NEK9: variants seen among roughly 807,000 people sequenced by gnomAD.
NEK9 encodes serine/threonine-protein kinase Nek9.
In NEK9, 75 loss-of-function variants were observed where a neutral mutation model predicts 123.4. That is an observed-to-expected ratio of 0.61 (90% CI 0.50 to 0.74). The LOEUF (loss-of-function observed/expected upper bound fraction) is 0.74. NEK9 is among the 30% of genes least tolerant of loss of function. The probability of loss-of-function intolerance (pLI) is 0.00; values close to 1 mark genes in which losing one functional copy is unlikely to be tolerated. For missense variants in NEK9, 952 were observed against 1,214.4 expected, an observed-to-expected ratio of 0.78 and a Z score of 3.21; for synonymous variants, 438 against 458.7, an observed-to-expected ratio of 0.95 and a Z score of 0.58.
chr14:75,102,373 A>G (rs1054259973), intron 14 of NEK9, among the ~76,000 whole-genome samples: 1 of 152,014 alleles, frequency 6.6e-6, no homozygotes, highest in Non-Finnish European at 1.5e-5. Flanking sequence ...TTTGAGACGG[A>G]GTCTTGCTTT....
chr14:75,123,893 A>G (rs561474543), intron 2 of NEK9, among the ~76,000 whole-genome samples, 153 bp downstream of exon 2: 2 of 152,334 alleles, frequency 1.3e-5, no homozygotes, highest in East Asian at 1.9e-4. Flanking sequence ...ACCACTTCAA[A>G]AATTCTCCAA....
At chr14:75,120,377 C>T in intron 4 of NEK9, 133 bp downstream of exon 4, 1 of 572,290 alleles carries the variant, frequency 1.7e-6, no homozygotes, top group South Asian at 2.4e-5. Flanking sequence ...TCATTACTTT[C>T]CTTTCCTAGT....
chr14:75,086,006 T>G (rs919225850), intron 21 of NEK9, among the ~76,000 whole-genome samples: 10 of 151,814 alleles, frequency 6.6e-5, no homozygotes, highest in Non-Finnish European at 1.3e-4. Flanking sequence ...CTGGCCAATA[T>G]GGTGAAATCC....
chr14:75,112,629 C>T (rs1375194001), intron 8 of NEK9, among the ~76,000 whole-genome samples: 1 of 152,268 alleles, frequency 6.6e-6, no homozygotes, highest in East Asian at 1.9e-4. Flanking sequence ...TTGAGATCAG[C>T]CTGGGCAACA....
chr14:75,110,223 C>T, intron 9 of NEK9, 98 bp downstream of exon 9: 1 of 911,264 alleles, frequency 1.1e-6, no homozygotes, highest in Non-Finnish European at 1.7e-6. Flanking sequence ...TGAAAGGATG[C>T]CAAAGTATCC....
rs746318076 is a variant in NEK9, at chr14:75,087,109, C to T, written c.2726G>A (p.Cys909Tyr). 1 of 1,614,206 alleles carries T rather than the reference C, an allele frequency of 6.2e-7. No homozygotes were observed. Among genetic ancestry groups the T allele is most frequent in the Non-Finnish European group, 8.5e-7 (1 of 1,180,042 alleles). ...VERLQGLVLK[C>Y]LAEQQKLQQE... is the part of the protein sequence containing the mutation. Reference sequence around the variant, plus strand: ...CTGTAGCTTCTGTTGTTCAGCCAGACACTTTAACACCAGACCCTGCAATCT... The same window carrying T: ...CTGTAGCTTCTGTTGTTCAGCCAGATACTTTAACACCAGACCCTGCAATCT... Residue 909 changes from cysteine to tyrosine, a missense_variant, in exon 21 of 22, where the codon TGT (cysteine) becomes TAT (tyrosine). By Grantham distance (194) the Cys-to-Tyr change is radical (BLOSUM62 -2). This residue lies in a region of NEK9 where 698 missense variants were observed against 875.6 expected (regional missense o/e 0.80). Transcript: ENST00000238616.
chr14:75,096,276 C>CAA (rs57130386), intron 17 of NEK9, among the ~76,000 whole-genome samples: 9 of 79,728 alleles, frequency 1.1e-4, no homozygotes, highest in African/African-American at 3.4e-4. Flanking sequence ...GACTTCGTCT[C>CAA]AAAAAAAAAA....
At chr14:75,122,759 G>C (rs1280102707) in intron 2 of NEK9, among the ~76,000 whole-genome samples, 1 of 150,504 alleles carries the variant, frequency 6.6e-6, no homozygotes, top group Non-Finnish European at 1.5e-5. Flanking sequence ...CCAAAGTGTT[G>C]GGATTACAGG....
chr14:75,110,247 T>C, intron 9 of NEK9, 74 bp downstream of exon 9: 1 of 1,118,354 alleles, frequency 8.9e-7, no homozygotes, highest in Non-Finnish European at 1.3e-6. Context: ...GATCAAATAA[T>C]GCCTACACTC....
intron 8 of NEK9, among the ~76,000 whole-genome samples, chr14:75,112,747 GAAGTT>G (rs1894998402): frequency 6.6e-6 from 1 of 152,192 alleles, no homozygotes; most frequent in Non-Finnish European, 1.5e-5. Flanking sequence ...ACTTGCAGCA[GAAGTT>G]CAAGGCTGCA....
At chr14:75,113,287 TA>T in intron 8 of NEK9, 51 bp downstream of exon 8, 1 of 1,423,406 alleles carries the variant, frequency 7.0e-7, no homozygotes, top group Non-Finnish European at 9.9e-7. Flanking sequence ...ATCAAGCCTC[TA>T]AAAGTCAACT....
rs2295112 is a variant in NEK9, at chr14:75,095,325, G to T, written c.2233+47C>A. On this transcript the variant is annotated intron_variant, in intron 18 of 21. Coordinates refer to ENST00000238616, the MANE Select transcript of NEK9 (RefSeq NM_033116.6). ...GAGTCTACATGGAATCTAACCAAAA[G>T]ACCCACACTTCAGAAAACCACTGGT... The T allele has an allele frequency of 4.3e-6, 6 of 1,400,732 alleles. No homozygotes were observed. In the South Asian group the frequency reaches 5.9e-5, roughly 14 times the overall value. 86.8% of individuals were successfully genotyped at this position (1,400,732 alleles called of 1,614,324 possible).
chr14:75,085,733 T>C (rs536185262), intron 21 of NEK9, among the ~76,000 whole-genome samples: 3 of 152,246 alleles, frequency 2.0e-5, no homozygotes, highest in South Asian at 2.1e-4. Flanking sequence ...AGTATTTTTT[T>C]AAAAGGTGAA....
chr14:75,106,219 T>C (rs755834625), intron 12 of NEK9: 19 of 593,144 alleles, frequency 3.2e-5, no homozygotes, highest in Non-Finnish European at 5.4e-5. Context: ...ATTAGCTGGG[T>C]GTGATGGTGT....
chr14:75,125,098 T>C (rs1895477964), intron 1 of NEK9, among the ~76,000 whole-genome samples: 1 of 152,108 alleles, frequency 6.6e-6, no homozygotes, highest in Non-Finnish European at 1.5e-5. Context: ...CCCTGCTTCC[T>C]AGCCCAGGAG....
In NEK9 at chr14:75,084,665, T is replaced by C. The variant is rs200772476; in HGVS notation, c.2839A>G (p.Thr947Ala). ...TCCATCTCTTCCTTTGCTGTCTGAG[T>C]TCCTTTGGAATGCATCCCCACCTGT... ...GQQVGMHSKG[T>A]QTAKEEMEMD... Residue 947 changes from threonine to alanine, a missense_variant, in exon 22 of 22, where the codon ACT (threonine) becomes GCT (alanine). By Grantham distance (58) the Thr-to-Ala change is moderately conservative. Transcript: ENST00000238616. The C allele has an allele frequency of 6.2e-7, 1 of 1,614,116 alleles. No homozygotes were observed. The highest frequency in any genetic ancestry group is 2.2e-5 in the East Asian group (1 of 44,880).
chr14:75,125,361 C>G lies in NEK9; in HGVS notation c.220-1138G>C, dbSNP rs1011917325. On this transcript the variant is annotated intron_variant, in intron 1 of 21. Coordinates refer to ENST00000238616, the MANE Select transcript of NEK9 (RefSeq NM_033116.6). ...TCTAGAGAAAAAGAGTGCTTCTGAA[C>G]TTTTGTAAATTCACAGATCTAATAA... 4.5e-4 allele frequency among the ~76,000 whole-genome samples: 69 copies of G among 152,104 alleles called. 4 individuals are homozygous for G. Among genetic ancestry groups the G allele is most frequent in the Non-Finnish European group, 1.5e-5 (1 of 68,018 alleles).
intron 7 of NEK9, 95 bp downstream of exon 7, chr14:75,114,108 T>C: frequency 2.5e-6 from 2 of 804,708 alleles, no homozygotes; most frequent in Admixed American, 4.3e-5. Context: ...GGGAAGTGGA[T>C]GTGGTTTTGT....
intron 8 of NEK9, among the ~76,000 whole-genome samples, chr14:75,110,840 C>T (rs1311277699): frequency 7.9e-5 from 12 of 152,132 alleles, no homozygotes; most frequent in Non-Finnish European, 1.8e-4. Flanking sequence ...AAACCTCAGT[C>T]ATCTCTGATT....
Sources: gnomAD v4.1 joint callset for allele counts (sites outside exome capture counted in the v4.1 genomes callset) on GRCh38, gnomAD v4.1.1 for gene constraint, gnomAD v4.1.1 regional missense constraint, MANE v1.5 for transcripts, NCBI Gene and HGNC (gene_info 2026-07-23, HGNC 2026-07-21) for gene names.